UNC13A: variants seen among roughly 807,000 people sequenced by gnomAD.
UNC13A encodes the protein protein unc-13 homolog A.
A neutral mutation model predicts 219.7 loss-of-function variants in UNC13A; 61 were observed. That is an observed-to-expected ratio of 0.28 (90% CI 0.23 to 0.34). The LOEUF (loss-of-function observed/expected upper bound fraction) is 0.34, where lower values mean the gene tolerates loss of function less well. UNC13A is among the 10% of genes least tolerant of loss of function. The pLI, the probability that UNC13A is intolerant of heterozygous loss-of-function variation, is 1.00. For synonymous variants in UNC13A, 920 were observed against 884.6 expected, an observed-to-expected ratio of 1.04 and a Z score of -0.71; for missense variants, 1,476 against 2,270.3, an observed-to-expected ratio of 0.65 and a Z score of 7.11.
chr19:17,646,905 CAG>C (rs72298384), intron 17 of UNC13A, among the ~76,000 whole-genome samples: 35,483 of 152,062 alleles, frequency 0.23, 4,430 homozygotes, highest in East Asian at 0.48. Flanking sequence ...CCCTTGCCCA[CAG>C]CATTGTCTGC....
chr19:17,673,071 A>G lies in UNC13A; in HGVS notation c.153-576T>C, dbSNP rs183167982. Reference sequence around the variant, plus strand: ...TTTATCTTAAGAAATATATTTTTAAAATATGGCCAACCACGGTGGCTCACG... The same window carrying G: ...TTTATCTTAAGAAATATATTTTTAAGATATGGCCAACCACGGTGGCTCACG... On this transcript the variant is annotated intron_variant, in intron 3 of 43. Coordinates refer to ENST00000519716, the MANE Select transcript of UNC13A (RefSeq NM_001080421.3). Among the ~76,000 whole-genome samples, 7 of 152,230 alleles carry G rather than the reference A, an allele frequency of 4.6e-5. No individual in the cohort carries two copies. The East Asian group carries it at 9.6e-4, about 21-fold the overall frequency.
rs577081005 is a variant in UNC13A, at chr19:17,620,072, C to G, written c.4272+621G>C. Among the ~76,000 whole-genome samples, 10 of 152,338 alleles carry G rather than the reference C, an allele frequency of 6.6e-5. No homozygotes were observed. The South Asian group carries it at 2.1e-3, about 32-fold the overall frequency. ...GGGTCCCAGCCTGGAAGGCATGTGT[C>G]TAGCCTCCTCTGTCACTGCTGGATG... On this transcript the variant is annotated intron_variant, in intron 38 of 43. Transcript: ENST00000519716.
intron 41 of UNC13A, among the ~76,000 whole-genome samples, chr19:17,614,663 G>A (rs895419087): frequency 6.6e-6 from 1 of 152,126 alleles, no homozygotes; most frequent in African/African-American, 2.4e-5. Flanking sequence ...CGCTGGACAG[G>A]AAGTGACTGA....
Position 17,630,636 on chromosome 19 carries a change from G to T in UNC13A, c.3525+18C>A. On this transcript the variant is annotated intron_variant, in intron 29 of 43. Coordinates refer to ENST00000519716, the MANE Select transcript of UNC13A (RefSeq NM_001080421.3). ...CAGTGGGAAGATTAGGAACTTGGTT[G>T]TGGGTGGGCCTTCTTACCCCATCCT... is the stretch of plus-strand genomic sequence containing the variant. 1 of 1,613,408 alleles carries T rather than the reference G, an allele frequency of 6.2e-7. No individual in the cohort carries two copies. The highest frequency in any genetic ancestry group is 8.5e-7 in the Non-Finnish European group (1 of 1,179,332).
Position 17,639,820 on chromosome 19 carries a change from C to T in UNC13A, c.2856+20G>A. The T allele has an allele frequency of 6.2e-7, 1 of 1,613,456 alleles. No individual in the cohort carries two copies. Among genetic ancestry groups the T allele is most frequent in the Non-Finnish European group, 8.5e-7 (1 of 1,179,608 alleles). On this transcript the variant is annotated intron_variant, in intron 23 of 43. Coordinates refer to ENST00000519716, the MANE Select transcript of UNC13A (RefSeq NM_001080421.3). ...CACATGTGCGTGGGGTGAGCAAATTCTCATGCACACACTTCCTACCCGGTA... is the reference window on the plus strand; with the variant it reads ...CACATGTGCGTGGGGTGAGCAAATTTTCATGCACACACTTCCTACCCGGTA...
rs2080039180 is a variant in UNC13A, at chr19:17,682,612, C to T, written c.22+5566G>A. On this transcript the variant is annotated intron_variant, in intron 1 of 43. Transcript: ENST00000519716. ...GGGCATCCCATGAGAACGGTAGGAGCTAAGACCTAGATGCAGCTCCTCCTA... is the reference window on the plus strand; with the variant it reads ...GGGCATCCCATGAGAACGGTAGGAGTTAAGACCTAGATGCAGCTCCTCCTA... 2.0e-5 allele frequency among the ~76,000 whole-genome samples: 3 copies of T among 152,174 alleles called. No homozygotes were observed. In the South Asian group the frequency reaches 6.2e-4, roughly 31 times the overall value.
At chr19:17,634,105 C>T (rs911077170) in intron 26 of UNC13A, among the ~76,000 whole-genome samples, 4 of 152,166 alleles carry the variant, frequency 2.6e-5, no homozygotes. Flanking sequence ...ATCCAGCCAC[C>T]TACCCGTCTA....
At chr19:17,651,434 C>T (rs1035029944) in intron 12 of UNC13A, among the ~76,000 whole-genome samples, 33 of 152,264 alleles carry the variant, frequency 2.2e-4, no homozygotes, top group Admixed American at 9.8e-4. Flanking sequence ...CCATGTTGGC[C>T]AGGCTGGTCT....
chr19:17,654,326 G>C (rs1223719290), intron 11 of UNC13A, among the ~76,000 whole-genome samples: 1 of 152,030 alleles, frequency 6.6e-6, no homozygotes, highest in Non-Finnish European at 1.5e-5. Flanking sequence ...TCTTGACCTA[G>C]TGGAAGTTAT....
chr19:17,618,823 C>G, intron 39 of UNC13A, 83 bp downstream of exon 39: 4 of 1,348,322 alleles, frequency 3.0e-6, no homozygotes, highest in Middle Eastern at 3.6e-4. Flanking sequence ...TCCTGGGACC[C>G]CTCCCCCAGG....
intron 28 of UNC13A, among the ~76,000 whole-genome samples, chr19:17,631,217 T>TCCCTCCC (rs1568513425): frequency 1.1e-3 from 36 of 33,070 alleles, no homozygotes; most frequent in African/African-American, 4.1e-3. Context: ...CCTTCCTTCC[T>TCCCTCCC]TCCTTCTTCC....
chr19:17,641,636 T>C, intron 20 of UNC13A, 80 bp from the exon 21 acceptor site: 1 of 1,426,330 alleles, frequency 7.0e-7, no homozygotes, highest in East Asian at 2.3e-5. Flanking sequence ...TGGGGCAGCT[T>C]ACATCATCCA....
At chr19:17,641,713 T>C (rs191961088) in intron 20 of UNC13A, among the ~76,000 whole-genome samples, 157 bp from the exon 21 acceptor site, 16 of 151,808 alleles carry the variant, frequency 1.1e-4, no homozygotes, top group Admixed American at 2.6e-4. Context: ...CCCATCTAAC[T>C]ACCCCAAATT....
intron 34 of UNC13A, 95 bp from the exon 35 acceptor site, chr19:17,625,047 G>A: frequency 1.3e-6 from 2 of 1,525,848 alleles, no homozygotes; most frequent in South Asian, 1.3e-5. Context: ...CCACAGATAG[G>A]AAAGAGGGCC....
At chr19:17,652,726 C>T in intron 11 of UNC13A, 49 bp from the exon 12 acceptor site, 1 of 1,610,158 alleles carries the variant, frequency 6.2e-7, no homozygotes, top group African/African-American at 1.3e-5. Context: ...CCCTCCCCTC[C>T]CCAGAGCAGG....
intron 41 of UNC13A, 26 bp downstream of exon 41, chr19:17,617,676 G>A (rs763618579): frequency 6.2e-7 from 1 of 1,608,384 alleles, no homozygotes; most frequent in Non-Finnish European, 8.5e-7. Flanking sequence ...GAGCGGGAAA[G>A]GGTGATGCGG....
chr19:17,611,571 G>A (rs2076603885), intron 42 of UNC13A, among the ~76,000 whole-genome samples, 192 bp downstream of exon 42: 4 of 152,230 alleles, frequency 2.6e-5, no homozygotes, highest in Admixed American at 2.6e-4. Flanking sequence ...GAGAGATGGA[G>A]AAAGTGGGAT....
rs1459524987 is a variant in UNC13A, at chr19:17,627,528, T to C, written c.3901A>G (p.Ser1301Gly). The change falls in exon 33 of 44, where the codon AGC (serine) becomes GGC (glycine). Residue 1301 changes from serine (S) to glycine (G), a missense_variant. This residue lies in a region of UNC13A where 218 missense variants were observed against 409.4 expected (regional missense o/e 0.53). Coordinates refer to ENST00000519716, the MANE Select transcript of UNC13A (RefSeq NM_001080421.3). This position sits in a 1 kb window ranked among gnomAD's most constrained non-coding sequence, Gnocchi z 4.7. ...VKLNNVLDELSRVFATSFQPH... is the reference protein window; with the variant it reads ...VKLNNVLDELGRVFATSFQPH... ...TCCCACCTGGTAGCAAACACCCGGC[T>C]GAGCTCATCCAAGACGTTATTGAGT... The C allele has an allele frequency of 1.3e-6, 2 of 1,561,402 alleles. No homozygotes were observed. Among genetic ancestry groups the C allele is most frequent in the African/African-American group, 2.7e-5 (2 of 73,482 alleles).
chr19:17,624,436 G>A (rs745843670), intron 35 of UNC13A, among the ~76,000 whole-genome samples: 5 of 152,018 alleles, frequency 3.3e-5, no homozygotes, highest in Admixed American at 6.6e-5. Context: ...TATGCCTTCC[G>A]TGGCTCAAGG....
Sources: allele counts gnomAD v4.1 joint callset (sites outside exome capture counted in the v4.1 genomes callset), GRCh38; gene constraint gnomAD v4.1.1; regional missense constraint gnomAD v4.1.1; non-coding constraint Gnocchi (gnomAD v3.1); transcripts MANE v1.5; gene names NCBI Gene and HGNC (gene_info 2026-07-23, HGNC 2026-07-21).